The following BICC1 variants were observed in gnomAD, a reference collection of about 807,000 sequenced individuals.
BICC1 encodes the protein protein bicaudal C homolog 1.
A neutral mutation model predicts 111.0 loss-of-function variants in BICC1; 43 were observed. That is an observed-to-expected ratio of 0.39 (90% CI 0.30 to 0.50). The LOEUF is 0.50. BICC1 is among the 20% of genes least tolerant of loss of function. The probability of loss-of-function intolerance (pLI) is 0.88; values close to 1 mark genes in which losing one functional copy is unlikely to be tolerated. For missense variants in BICC1, 1,091 were observed against 1,203.2 expected, an observed-to-expected ratio of 0.91 and a Z score of 1.38; for synonymous variants, 467 against 434.4, an observed-to-expected ratio of 1.07 and a Z score of -0.93.
At chr10:58,585,692 A>T (rs1207476664) in intron 1 of BICC1, among the ~76,000 whole-genome samples, 1 of 152,134 alleles carries the variant, frequency 6.6e-6, no homozygotes, top group Non-Finnish European at 1.5e-5. Context: ...AGTGTGCTTT[A>T]TGTTTTTTAG....
intron 1 of BICC1, among the ~76,000 whole-genome samples, chr10:58,544,277 T>C (rs1006940224): frequency 1.3e-5 from 2 of 152,148 alleles, no homozygotes; most frequent in Non-Finnish European, 2.9e-5. Context: ...AAAATAAATA[T>C]ACAAAATGGA....
chr10:58,557,268 G>A (rs1006549775), intron 1 of BICC1, among the ~76,000 whole-genome samples: 2 of 150,036 alleles, frequency 1.3e-5, no homozygotes, highest in Non-Finnish European at 3.0e-5. Flanking sequence ...TAGATAATGT[G>A]TATTTTTTTT....
chr10:58,719,257 A>G (rs1267517260), intron 3 of BICC1, among the ~76,000 whole-genome samples: 1 of 152,204 alleles, frequency 6.6e-6, no homozygotes, highest in African/African-American at 2.4e-5. Flanking sequence ...TGCTTTGAAT[A>G]AAGTTTTTCC....
At chr10:58,647,094 A>AT (rs1838292845) in intron 2 of BICC1, among the ~76,000 whole-genome samples, 1 of 152,186 alleles carries the variant, frequency 6.6e-6, no homozygotes, top group Non-Finnish European at 1.5e-5. Flanking sequence ...ATACCTGCAT[A>AT]TACCACTTTA....
At position 58,803,065 on chromosome 10, in the gene BICC1, C is replaced by T. The variant is rs763147619; in HGVS notation, c.2016-12C>T. The stretch of plus-strand genomic sequence containing the variant: ...ATAGTGGAGTGTTAAATTCCACACT[C>T]TTATTTCACAGCAGCACTGACAGGT... On this transcript the variant is annotated splice_polypyrimidine_tract_variant and intron_variant, in intron 14 of 20. Transcript: ENST00000373886. The T allele has an allele frequency of 6.3e-7, 1 of 1,578,776 alleles. No individual in the cohort carries two copies. Among genetic ancestry groups the T allele is most frequent in the South Asian group, 1.2e-5 (1 of 83,922 alleles).
intron 1 of BICC1, among the ~76,000 whole-genome samples, chr10:58,575,682 C>T (rs1844092132): frequency 6.6e-6 from 1 of 152,010 alleles, no homozygotes; most frequent in Non-Finnish European, 1.5e-5. Flanking sequence ...CTTCAGCCTC[C>T]TAGGCAGCTG....
chr10:58,587,683 A>T (rs1393025937), intron 1 of BICC1, among the ~76,000 whole-genome samples: 1 of 152,094 alleles, frequency 6.6e-6, no homozygotes, highest in Non-Finnish European at 1.5e-5. Context: ...AACATTTTTG[A>T]TGTAGTTACA....
intron 3 of BICC1, among the ~76,000 whole-genome samples, chr10:58,774,858 C>T (rs1316407298): frequency 6.6e-6 from 1 of 151,968 alleles, no homozygotes; most frequent in Non-Finnish European, 1.5e-5. Flanking sequence ...ATTATTTATC[C>T]ATGTCTTTTG....
chr10:58,610,538 C>T (rs1201488476), intron 1 of BICC1, among the ~76,000 whole-genome samples: 1 of 151,732 alleles, frequency 6.6e-6, no homozygotes, highest in Non-Finnish European at 1.5e-5. Flanking sequence ...AAAACACAGT[C>T]TCAAAGGATG....
At chr10:58,755,405 A>G (rs1842117285) in intron 3 of BICC1, among the ~76,000 whole-genome samples, 1 of 152,204 alleles carries the variant, frequency 6.6e-6, no homozygotes, top group South Asian at 2.1e-4. Context: ...CTTGGTGGAC[A>G]ACCAGAGTTC....
chr10:58,735,126 A>AG (rs1841428603), intron 3 of BICC1, among the ~76,000 whole-genome samples: 1 of 152,256 alleles, frequency 6.6e-6, no homozygotes, highest in South Asian at 2.1e-4. Flanking sequence ...CTACAAAAAG[A>AG]GAAAACAATT....
At chr10:58,648,633 C>G (rs1838344270) in intron 2 of BICC1, 1 of 984,912 alleles carries the variant, frequency 1.0e-6, no homozygotes, top group Non-Finnish European at 1.2e-6. Context: ...GAGACACACA[C>G]AGAGGATCTC....
intron 2 of BICC1, among the ~76,000 whole-genome samples, chr10:58,681,867 CT>C (rs35236976): frequency 4.0e-5 from 6 of 149,600 alleles, no homozygotes; most frequent in South Asian, 2.1e-4. Flanking sequence ...CTCTCTCTTT[CT>C]TTTTTTTTTA....
Position 58,513,103 on chromosome 10 carries a change from A to AGCG in BICC1, c.-32_-30dup, listed in dbSNP as rs1212173794. The AGCG allele has an allele frequency of 8.2e-6, 11 of 1,344,156 alleles. No individual in the cohort carries two copies. In the East Asian group the frequency reaches 3.1e-4, roughly 38 times the overall value. 83.3% of individuals were successfully genotyped at this position (1,344,156 alleles called of 1,614,324 possible). A position where few individuals can be genotyped will look rare whatever the true frequency, so the allele number is the denominator to read the frequency against. On this transcript the variant is annotated 5_prime_UTR_variant, in exon 1 of 21. Coordinates refer to ENST00000373886, the MANE Select transcript of BICC1 (RefSeq NM_001080512.3). ...CGAGCGGAGGCGGCAGCGCAGGCAG[A>AGCG]GCGGCGGCGGCAGCGGGAGCCCGAG...
chr10:58,690,635 C>T (rs1564556208), intron 2 of BICC1, among the ~76,000 whole-genome samples: 1 of 152,132 alleles, frequency 6.6e-6, no homozygotes, highest in East Asian at 1.9e-4. Context: ...TCCTTACCTC[C>T]TTGCCTGCTC....
intron 3 of BICC1, among the ~76,000 whole-genome samples, chr10:58,750,984 T>TA (rs1482460271): frequency 1.3e-5 from 2 of 152,116 alleles, no homozygotes; most frequent in Non-Finnish European, 2.9e-5. Context: ...CTTTCTCTGT[T>TA]AAAAAATGTT....
chr10:58,569,444 A>G (rs1843874715), intron 1 of BICC1, among the ~76,000 whole-genome samples: 1 of 152,178 alleles, frequency 6.6e-6, no homozygotes, highest in African/African-American at 2.4e-5. Context: ...CAGAATGTGC[A>G]GGTTTGTTAC....
intron 1 of BICC1, among the ~76,000 whole-genome samples, chr10:58,522,589 C>G (rs1040943636): frequency 6.6e-6 from 1 of 151,970 alleles, no homozygotes; most frequent in Non-Finnish European, 1.5e-5. Flanking sequence ...ACTAAATGCC[C>G]ACAAGAGAAA....
chr10:58,527,214 C>T (rs1842567742), intron 1 of BICC1, among the ~76,000 whole-genome samples: 1 of 152,006 alleles, frequency 6.6e-6, no homozygotes, highest in African/African-American at 2.4e-5. Flanking sequence ...TTTTTGGCTG[C>T]ATAAATGTCT....
Sources: allele counts gnomAD v4.1 joint callset (sites outside exome capture counted in the v4.1 genomes callset), GRCh38; gene constraint gnomAD v4.1.1; transcripts MANE v1.5; gene names NCBI Gene and HGNC (gene_info 2026-07-23, HGNC 2026-07-21).